TOM1: variants seen among roughly 807,000 people sequenced by gnomAD.
The protein encoded by TOM1 is target of myb1 membrane trafficking protein.
TOM1 carries 38 observed loss-of-function variants against 61.3 expected under a neutral mutation model. That is an observed-to-expected ratio of 0.62 (90% CI 0.48 to 0.81). The LOEUF is 0.81. Ranked by LOEUF, TOM1 falls within the 40% of genes least tolerant of loss-of-function variation. The pLI, the probability that TOM1 is intolerant of heterozygous loss-of-function variation, is 0.00. For synonymous variants in TOM1, 270 were observed against 268.8 expected, an observed-to-expected ratio of 1.00 and a Z score of -0.04; for missense variants, 591 against 659.6, an observed-to-expected ratio of 0.90 and a Z score of 1.14.
In TOM1 at chr22:35,323,811, G is replaced by A; in HGVS notation, c.545G>A (p.Gly182Asp). 2 of 1,613,056 alleles carry A rather than the reference G, an allele frequency of 1.2e-6. No homozygotes were observed. The highest frequency in any genetic ancestry group is 1.7e-4 in the Middle Eastern group (1 of 6,056). ...ACACAATCAGGACAGGATTCTGTGG[G>A]CACTGACTCCAGCCAGCAAGAGGAC... Reference protein sequence around the residue: ...SETQSGQDSVGTDSSQQEDSG... With the variant: ...SETQSGQDSVDTDSSQQEDSG... The change falls in exon 6 of 15, where the codon GGC becomes GAC. Residue 182 changes from glycine to aspartate, a missense_variant. By Grantham distance (94) the Gly-to-Asp change is moderately conservative (BLOSUM62 -1). Coordinates refer to ENST00000449058, the MANE Select transcript of TOM1 (RefSeq NM_005488.3). The surrounding 1 kb of genome is among the most constrained non-coding windows in gnomAD (Gnocchi z 4.2).
At position 35,330,312 on chromosome 22, in the gene TOM1, T is replaced by C. The variant is rs768555345; in HGVS notation, c.766-35T>C. On this transcript the variant is annotated intron_variant, in intron 7 of 14. Transcript: ENST00000449058. ...AAAGAGACGGCCTCACTCTGAGTCA[T>C]GTGACTGTGGTTGCCTCACTTCCTT... 2.0e-5 allele frequency: 31 copies of C among 1,582,232 alleles called. No individual in the cohort carries two copies. The South Asian group carries it at 2.2e-4, about 11-fold the overall frequency.
At chr22:35,322,861 G>A (rs1927923725) in intron 3 of TOM1, 167 bp from the exon 4 acceptor site, 1 of 827,328 alleles carries the variant, frequency 1.2e-6, no homozygotes, top group Non-Finnish European at 1.8e-6. Flanking sequence ...AAGTCCCCCA[G>A]TCCTGGCATT....
intron 1 of TOM1, among the ~76,000 whole-genome samples, chr22:35,300,506 T>A (rs1925656075): frequency 6.6e-6 from 1 of 152,358 alleles, no homozygotes; most frequent in East Asian, 1.9e-4. Flanking sequence ...CGGCCAGGCC[T>A]CACAGACCCG....
Position 35,338,755 on chromosome 22 carries a change from A to G in TOM1, c.1191A>G (p.Gly397=). 1 of 1,601,742 alleles carries G rather than the reference A, an allele frequency of 6.2e-7. No individual in the cohort carries two copies. The highest frequency in any genetic ancestry group is 1.7e-5 in the Admixed American group (1 of 58,226). Residue 397 remains glycine, a synonymous_variant, in exon 12 of 15, where the codon GGA becomes GGG. Transcript: ENST00000449058. ...EAPQATDGLA[G]ALDARQQSTG... ...CCCAAGCAACAGACGGCCTGGCTGGAGCCCTGGACGCCCGGCAGCAGAGCA... is the reference window on the plus strand; with the variant it reads ...CCCAAGCAACAGACGGCCTGGCTGGGGCCCTGGACGCCCGGCAGCAGAGCA...
rs532496544 is a variant in TOM1 at position 35,324,006 on chromosome 22, G to A, written c.648+92G>A. On this transcript the variant is annotated intron_variant, in intron 6 of 14. Coordinates refer to ENST00000449058, the MANE Select transcript of TOM1 (RefSeq NM_005488.3). ...CCTGTCAGAATTTACCATCCACGGA[G>A]CCTCCACTTCTTCCTCACAGCAGCC... 93 of 1,445,992 alleles carry A rather than the reference G, an allele frequency of 6.4e-5. No homozygotes were observed. The South Asian group carries it at 1.2e-3, about 19-fold the overall frequency. The allele number at this position is 1,445,992 out of a possible 1,614,324, so 89.6% of individuals were successfully genotyped here. A position where few individuals can be genotyped will look rare whatever the true frequency, so the allele number is the denominator to read the frequency against.
At chr22:35,312,615 T>C (rs992544661) in intron 1 of TOM1, among the ~76,000 whole-genome samples, 6 of 152,252 alleles carry the variant, frequency 3.9e-5, no homozygotes, top group African/African-American at 1.4e-4. Context: ...ATTCATCCTC[T>C]GTCTTAAAGG....
chr22:35,306,788 G>A (rs1236372482), intron 1 of TOM1, among the ~76,000 whole-genome samples: 1 of 152,212 alleles, frequency 6.6e-6, no homozygotes, highest in Non-Finnish European at 1.5e-5. Context: ...GCCAGCCCAA[G>A]ATTCTGACTC....
intron 1 of TOM1, chr22:35,311,030 G>GCCTCC (rs1926772160): frequency 6.6e-6 from 1 of 152,418 alleles, no homozygotes; most frequent in African/African-American, 2.4e-5. Context: ...AGTTGAGGTG[G>GCCTCC]GGAGGAGCAC....
chr22:35,311,807 C>T (rs750077304), intron 1 of TOM1, among the ~76,000 whole-genome samples: 3 of 152,198 alleles, frequency 2.0e-5, no homozygotes, highest in Non-Finnish European at 2.9e-5. Context: ...GGAGGTCCTC[C>T]GAGCATCCTG....
At chr22:35,316,078 TAGAC>T (rs1201271007) in intron 1 of TOM1, among the ~76,000 whole-genome samples, 1 of 152,250 alleles carries the variant, frequency 6.6e-6, no homozygotes, top group Non-Finnish European at 1.5e-5. Flanking sequence ...TGACAGATAA[TAGAC>T]AGCCGGCAGC....
intron 1 of TOM1, among the ~76,000 whole-genome samples, chr22:35,309,897 C>T (rs1008377759): frequency 2.0e-5 from 3 of 152,168 alleles, no homozygotes; most frequent in Non-Finnish European, 2.9e-5. Flanking sequence ...AAGAGACACC[C>T]GCTTCCATCT....
rs182684346 is a variant in TOM1 at position 35,330,792 on chromosome 22, G to A, written c.899+312G>A. ...AACCAGACTGGCCTGGTGTGTCCTC[G>A]CCCACTCCACCACTTCCTGGTTCTG... is the stretch of plus-strand genomic sequence containing the variant. On this transcript the variant is annotated intron_variant, in intron 8 of 14. Coordinates refer to ENST00000449058, the MANE Select transcript of TOM1 (RefSeq NM_005488.3). 1.5e-3 allele frequency among the ~76,000 whole-genome samples: 227 copies of A among 152,294 alleles called. 1 individual carries two copies. The highest frequency in any genetic ancestry group is 5.2e-3 in the African/African-American group (218 of 41,546).
intron 9 of TOM1, 67 bp from the exon 10 acceptor site, chr22:35,333,337 T>G: frequency 6.9e-7 from 1 of 1,440,918 alleles, no homozygotes; most frequent in Non-Finnish European, 9.7e-7. Context: ...CAAGCCACAG[T>G]GCTTGGGGCA....
At chr22:35,337,087 CCACCA>C (rs1180830567) in intron 11 of TOM1, among the ~76,000 whole-genome samples, 1 of 152,126 alleles carries the variant, frequency 6.6e-6, no homozygotes, top group Non-Finnish European at 1.5e-5. Flanking sequence ...CAGGCGCCCA[CCACCA>C]CACCTGGCTA....
chr22:35,315,417 C>T (rs971942596), intron 1 of TOM1, among the ~76,000 whole-genome samples: 5 of 152,300 alleles, frequency 3.3e-5, no homozygotes, highest in African/African-American at 1.2e-4. Context: ...CAAAGCAGGG[C>T]ACGGCCCTCT....
At chr22:35,322,853 G>C (rs1210637446) in intron 3 of TOM1, 175 bp from the exon 4 acceptor site, 1 of 773,182 alleles carries the variant, frequency 1.3e-6, no homozygotes, top group Non-Finnish European at 2.0e-6. Flanking sequence ...CAGTAAACAA[G>C]TCCCCCAGTC....
chr22:35,331,508 G>A (rs989694255), intron 8 of TOM1: 81 of 328,286 alleles, frequency 2.5e-4, no homozygotes, highest in African/African-American at 1.7e-3. Flanking sequence ...ATGGGAGAGG[G>A]CCCTTTGATG....
Position 35,347,232 on chromosome 22 carries a change from G to A in TOM1, c.*23G>A, listed in dbSNP as rs1209539884. ...TGAGTGTGGGGTCTGGCACCCTGCA[G>A]CCCAGGTCCCCACTGCTCTCACACC... On this transcript the variant is annotated 3_prime_UTR_variant, in exon 15 of 15. Transcript: ENST00000449058. The A allele has an allele frequency of 1.9e-6, 3 of 1,576,482 alleles. No individual in the cohort carries two copies. Among genetic ancestry groups the A allele is most frequent in the Non-Finnish European group, 1.7e-6 (2 of 1,158,872 alleles).
chr22:35,336,073 AC>A (rs1929306754), intron 11 of TOM1, among the ~76,000 whole-genome samples: 1 of 152,168 alleles, frequency 6.6e-6, no homozygotes, highest in South Asian at 2.1e-4. Flanking sequence ...AGGAGGGAGC[AC>A]AGGAAGGATC....
Sources: allele counts gnomAD v4.1 joint callset (sites outside exome capture counted in the v4.1 genomes callset), GRCh38; gene constraint gnomAD v4.1.1; non-coding constraint Gnocchi (gnomAD v3.1); transcripts MANE v1.5; gene names NCBI Gene and HGNC (gene_info 2026-07-23, HGNC 2026-07-21).